TRAPPC6A: variants seen among roughly 807,000 people sequenced by gnomAD.
TRAPPC6A encodes the protein trafficking protein particle complex subunit 6A.
TRAPPC6A carries 25 observed loss-of-function variants against 20.8 expected under a neutral mutation model. The observed-to-expected ratio is 1.20, with a 90% confidence interval of 0.88 to 1.68. TRAPPC6A has a LOEUF of 1.68. Among genes scored for constraint, TRAPPC6A ranks in the 40% most tolerant of loss-of-function variants. TRAPPC6A has a pLI of 0.00. For missense variants in TRAPPC6A, 215 were observed against 211.6 expected, an observed-to-expected ratio of 1.02 and a Z score of -0.10; for synonymous variants, 96 against 93.3, an observed-to-expected ratio of 1.03 and a Z score of -0.16.
At chr19:45,164,044 G>A (rs1434723905) in intron 4 of TRAPPC6A, 35 bp from the exon 5 acceptor site, 2 of 1,558,170 alleles carry the variant, frequency 1.3e-6, no homozygotes, top group African/African-American at 2.7e-5. Context: ...TGGGAAGAGA[G>A]GGGAGGCCAG....
Position 45,163,012 on chromosome 19 carries a change from C to CT in TRAPPC6A, c.*179_*180insA, listed in dbSNP as rs1969041763. 1 of 629,906 alleles carries CT rather than the reference C, an allele frequency of 1.6e-6. No homozygotes were observed. Among genetic ancestry groups the CT allele is most frequent in the Non-Finnish European group, 2.7e-6 (1 of 371,638 alleles). 39.0% of individuals were successfully genotyped at this position (629,906 alleles called of 1,614,324 possible). ...GGGAATCCCACCACAGTCCTGACCG[C>CT]AGCTGGGACCCCTTTGCCTCCTCTG... is the stretch of plus-strand genomic sequence containing the variant. On this transcript the variant is annotated 3_prime_UTR_variant, in exon 6 of 6. Coordinates refer to ENST00000585934, the MANE Select transcript of TRAPPC6A (RefSeq NM_001270891.2). This position sits in a 1 kb window ranked among gnomAD's most constrained non-coding sequence, Gnocchi z 5.3.
chr19:45,169,401 ATCC>A (rs1482037714), intron 1 of TRAPPC6A, among the ~76,000 whole-genome samples: 2 of 152,254 alleles, frequency 1.3e-5, no homozygotes, highest in East Asian at 3.9e-4. Context: ...GGTTCAGGTG[ATCC>A]TCCTACCTCT....
intron 1 of TRAPPC6A, among the ~76,000 whole-genome samples, chr19:45,168,298 C>T (rs1187473517): frequency 5.3e-5 from 8 of 152,244 alleles, no homozygotes; most frequent in East Asian, 1.9e-4. Flanking sequence ...CCACCGCGCC[C>T]GGCCCTGACC....
At position 45,177,191 on chromosome 19, in the gene TRAPPC6A, G is replaced by GCGCGCACA. The variant is rs61484972; in HGVS notation, c.84+943_84+944insTGTGCGCG. ...GCGACCGAGCAGGATGCGCGTGCGC[G>GCGCGCACA]CACACACACACACACACACACACAC... On this transcript the variant is annotated intron_variant, in intron 1 of 5. Transcript: ENST00000585934. 1.8e-3 allele frequency among the ~76,000 whole-genome samples: 264 copies of GCGCGCACA among 147,996 alleles called. 1 individual carries two copies. The highest frequency in any genetic ancestry group is 6.1e-3 in the African/African-American group (246 of 40,154).
intron 2 of TRAPPC6A, 43 bp from the exon 3 acceptor site, chr19:45,165,013 G>A (rs753601871): frequency 6.2e-7 from 1 of 1,610,112 alleles, no homozygotes; most frequent in Non-Finnish European, 8.5e-7. Flanking sequence ...GCCAGGCCAG[G>A]AAGAGGGAGG....
In TRAPPC6A at chr19:45,173,405, G is replaced by A. The variant is rs1969304117; in HGVS notation, c.84+4730C>T. On this transcript the variant is annotated intron_variant, in intron 1 of 5. Coordinates refer to ENST00000585934, the MANE Select transcript of TRAPPC6A (RefSeq NM_001270891.2). The surrounding 1 kb of genome is among the most constrained non-coding windows in gnomAD (Gnocchi z 4.8). ...GCACCTGTGCTGTGGGGACAGAGAT[G>A]AAGGAGCCACCATCCCTGTCCTCAA... 6.6e-6 allele frequency among the ~76,000 whole-genome samples: 1 copy of A among 152,094 alleles called. No homozygotes were observed. Among genetic ancestry groups the A allele is most frequent in the South Asian group, 2.1e-4 (1 of 4,826 alleles).
At chr19:45,170,011 C>T (rs1330566249) in intron 1 of TRAPPC6A, among the ~76,000 whole-genome samples, 1 of 152,284 alleles carries the variant, frequency 6.6e-6, no homozygotes, top group East Asian at 1.9e-4. Flanking sequence ...CTGGGAAGGG[C>T]TGGGAGACTG....
At position 45,163,794 on chromosome 19, in the gene TRAPPC6A, G is replaced by T; in HGVS notation, c.448+122C>A. The T allele has an allele frequency of 2.4e-6, 2 of 838,016 alleles. No individual in the cohort carries two copies. The highest frequency in any genetic ancestry group is 3.8e-6 in the Non-Finnish European group (2 of 524,758). 51.9% of individuals were successfully genotyped at this position (838,016 alleles called of 1,614,324 possible). On this transcript the variant is annotated intron_variant, in intron 5 of 5. Transcript: ENST00000585934. The surrounding 1 kb of genome is among the most constrained non-coding windows in gnomAD (Gnocchi z 5.3). ...CAGATGGGCCTGCACCAGCCGTGTG[G>T]CTGAGCAGGTGACTTAAAACTGGGC...
intron 1 of TRAPPC6A, among the ~76,000 whole-genome samples, chr19:45,174,204 A>G (rs975963408): frequency 1.3e-5 from 2 of 152,178 alleles, no homozygotes; most frequent in African/African-American, 4.8e-5. Flanking sequence ...TAAATCGGGG[A>G]GGACCATGCC....
chr19:45,165,880 AGG>A (rs1969141593), intron 1 of TRAPPC6A, among the ~76,000 whole-genome samples: 2 of 149,940 alleles, frequency 1.3e-5, no homozygotes, highest in Non-Finnish European at 3.0e-5. Flanking sequence ...GTGTGTGTGG[AGG>A]GCATGGCTGG....
At position 45,175,587 on chromosome 19, in the gene TRAPPC6A, G is replaced by T. The variant is rs117098650; in HGVS notation, c.84+2548C>A. 8.0e-3 allele frequency among the ~76,000 whole-genome samples: 1,222 copies of T among 152,282 alleles called. 4 individuals carry two copies. The highest frequency in any genetic ancestry group is 0.026 in the South Asian group (125 of 4,824). On this transcript the variant is annotated intron_variant, in intron 1 of 5. Transcript: ENST00000585934. ...GGAAGGGATTGTTACGCTAAGATCT[G>T]AAGGATTAATAGTTGTTAGCATGGT...
At chr19:45,170,546 G>A (rs773837541) in intron 1 of TRAPPC6A, among the ~76,000 whole-genome samples, 8 of 152,220 alleles carry the variant, frequency 5.3e-5, no homozygotes, top group Admixed American at 1.3e-4. Flanking sequence ...GGCCAGGAGC[G>A]TGGAGTCTGA....
Position 45,163,471 on chromosome 19 carries a change from C to T in TRAPPC6A, c.449-248G>A, listed in dbSNP as rs561539851. 7.9e-5 allele frequency among the ~76,000 whole-genome samples: 12 copies of T among 152,118 alleles called. No homozygotes were observed. In the South Asian group the frequency reaches 1.7e-3, roughly 21 times the overall value. Reference sequence around the variant, plus strand: ...GTATGCATTGCTCGGTCCTACCCCACGGGGGCCCCGGGGGCCCCCATGAGT... The same window carrying T: ...GTATGCATTGCTCGGTCCTACCCCATGGGGGCCCCGGGGGCCCCCATGAGT... On this transcript the variant is annotated intron_variant, in intron 5 of 5. Coordinates refer to ENST00000585934, the MANE Select transcript of TRAPPC6A (RefSeq NM_001270891.2). This position sits in a 1 kb window ranked among gnomAD's most constrained non-coding sequence, Gnocchi z 5.3.
Position 45,163,108 on chromosome 19 carries a change from C to A in TRAPPC6A, c.*84G>T. 1 of 1,546,278 alleles carries A rather than the reference C, an allele frequency of 6.5e-7. No individual in the cohort carries two copies. Among genetic ancestry groups the A allele is most frequent in the Non-Finnish European group, 8.9e-7 (1 of 1,125,214 alleles). ...CCCTAGGGCCTGGGATTCCCAAGACCACCCCGAAATGCAGCGGCCCCACCG... is the reference window on the plus strand; with the variant it reads ...CCCTAGGGCCTGGGATTCCCAAGACAACCCCGAAATGCAGCGGCCCCACCG... On this transcript the variant is annotated 3_prime_UTR_variant, in exon 6 of 6. Transcript: ENST00000585934. This position sits in a 1 kb window ranked among gnomAD's most constrained non-coding sequence, Gnocchi z 5.3.
Position 45,163,265 on chromosome 19 carries a change from G to C in TRAPPC6A, c.449-42C>G, listed in dbSNP as rs1455736258. The C allele has an allele frequency of 1.9e-6, 3 of 1,610,638 alleles. No individual in the cohort carries two copies. The highest frequency in any genetic ancestry group is 1.7e-6 in the Non-Finnish European group (2 of 1,177,356). On this transcript the variant is annotated intron_variant, in intron 5 of 5. Transcript: ENST00000585934. This position sits in a 1 kb window ranked among gnomAD's most constrained non-coding sequence, Gnocchi z 5.3. ...GGCTTAGGCTTGAGGATGGGATGGG[G>C]GAGGCAGAGGGCACCTGGACGGCTC... is the stretch of plus-strand genomic sequence containing the variant.
At chr19:45,169,231 T>G (rs908290174) in intron 1 of TRAPPC6A, among the ~76,000 whole-genome samples, 2 of 152,212 alleles carry the variant, frequency 1.3e-5, no homozygotes, top group African/African-American at 4.8e-5. Context: ...CCCCAGCACT[T>G]ACCAGTGTGG....
intron 1 of TRAPPC6A, among the ~76,000 whole-genome samples, chr19:45,166,965 C>T (rs1969168848): frequency 6.6e-6 from 1 of 152,124 alleles, no homozygotes; most frequent in Non-Finnish European, 1.5e-5. Context: ...CTCCATCCCT[C>T]CCTCACCCTC....
intron 1 of TRAPPC6A, among the ~76,000 whole-genome samples, chr19:45,175,091 C>G (rs1281516927): frequency 2.6e-5 from 4 of 151,104 alleles, no homozygotes; most frequent in Admixed American, 1.3e-4. Context: ...GAAACTCTGT[C>G]TCTACTAAAA....
chr19:45,163,981 C>T lies in TRAPPC6A; in HGVS notation c.383G>A (p.Arg128His), dbSNP rs374984117. 502 of 1,575,406 alleles carry T rather than the reference C, an allele frequency of 3.2e-4. 3 individuals are homozygous for T. The South Asian group carries it at 3.6e-3, about 11-fold the overall frequency. Residue 128 changes from arginine (R) to histidine (H), a missense_variant, in exon 5 of 6, where the codon CGC becomes CAC. By Grantham distance (29) the Arg-to-His change is conservative. Coordinates refer to ENST00000585934, the MANE Select transcript of TRAPPC6A (RefSeq NM_001270891.2). The surrounding 1 kb of genome is among the most constrained non-coding windows in gnomAD (Gnocchi z 5.3). ...AATGCCCAGGGTATAGAGGGCGCCGCGCAGGAGGCCGCAGGTGAAGGCCAG... is the reference window on the plus strand; with the variant it reads ...AATGCCCAGGGTATAGAGGGCGCCGTGCAGGAGGCCGCAGGTGAAGGCCAG... Reference protein sequence around the residue: ...KFLAFTCGLLRGALYTLGIES... With the variant: ...KFLAFTCGLLHGALYTLGIES...
Sources: allele counts gnomAD v4.1 joint callset (sites outside exome capture counted in the v4.1 genomes callset), GRCh38; gene constraint gnomAD v4.1.1; non-coding constraint Gnocchi (gnomAD v3.1); transcripts MANE v1.5; gene names NCBI Gene and HGNC (gene_info 2026-07-23, HGNC 2026-07-21).